Variants in ERC2 observed in about 807,000 individuals in gnomAD.
ERC2 encodes ERC protein 2.
ERC2 carries 42 observed loss-of-function variants against 114.8 expected under a neutral mutation model. The ratio of observed to expected loss-of-function variants is 0.37; its 90% CI spans 0.29 to 0.47. ERC2 has a LOEUF of 0.47. Ranked by LOEUF, ERC2 falls within the 20% of genes least tolerant of loss-of-function variation. The pLI is 0.99. For synonymous variants in ERC2, 454 were observed against 425.5 expected (o/e 1.07, Z -0.82); for missense variants, 939 against 1,150.7 (o/e 0.82, Z 2.66).
chr3:55,846,975 GC>G (rs2061397133), intron 14 of ERC2, among the ~76,000 whole-genome samples: 1 of 152,114 alleles, frequency 6.6e-6, no homozygotes, highest in South Asian at 2.1e-4. Context: ...GTCTTCTTAG[GC>G]CTGACCTGGA....
At chr3:55,980,499 T>G (rs2070029925) in intron 12 of ERC2, among the ~76,000 whole-genome samples, 3 of 152,202 alleles carry the variant, frequency 2.0e-5, no homozygotes, top group Admixed American at 2.0e-4. Context: ...GCTAGTATTG[T>G]GCATAATGAA....
In ERC2 at chr3:55,952,303, A is replaced by G. The variant is rs552882736; in HGVS notation, c.2268-1743T>C. 2.6e-5 allele frequency among the ~76,000 whole-genome samples: 4 copies of G among 151,612 alleles called. No homozygotes were observed. The South Asian group carries it at 8.4e-4, about 32-fold the overall frequency. ...TTGGTAGCACTTATTAAGAGGACATAAAGTATGATATAATAACCATCTCCT... is the reference window on the plus strand; with the variant it reads ...TTGGTAGCACTTATTAAGAGGACATGAAGTATGATATAATAACCATCTCCT... On this transcript the variant is annotated intron_variant, in intron 12 of 17. Coordinates refer to ENST00000288221, the MANE Select transcript of ERC2 (RefSeq NM_015576.3).
chr3:56,158,349 C>T (rs1044175254), intron 4 of ERC2, among the ~76,000 whole-genome samples: 1 of 152,108 alleles, frequency 6.6e-6, no homozygotes, highest in Non-Finnish European at 1.5e-5. Context: ...TTCAAAGACA[C>T]TTTTAAAGTC....
chr3:55,905,984 T>G (rs999347620), intron 13 of ERC2, among the ~76,000 whole-genome samples: 6 of 152,156 alleles, frequency 3.9e-5, no homozygotes, highest in Non-Finnish European at 8.8e-5. Context: ...TTTAAATGAC[T>G]TTACTTAAGA....
At chr3:55,986,113 G>A in intron 11 of ERC2, 125 bp from the exon 12 acceptor site, 3 of 934,320 alleles carry the variant, frequency 3.2e-6, no homozygotes, top group Non-Finnish European at 3.3e-6. Flanking sequence ...TGTTATATCA[G>A]CAGGTTTATA....
At chr3:55,957,953 C>T (rs1361901111) in intron 12 of ERC2, among the ~76,000 whole-genome samples, 1 of 152,210 alleles carries the variant, frequency 6.6e-6, no homozygotes, top group East Asian at 1.9e-4. Flanking sequence ...TTCTCACCGC[C>T]CACTATATGG....
chr3:56,155,896 A>C (rs952032670), intron 4 of ERC2, among the ~76,000 whole-genome samples: 4 of 152,194 alleles, frequency 2.6e-5, no homozygotes, highest in African/African-American at 4.8e-5. Context: ...TGTTCAAATA[A>C]TATAGATCAT....
At chr3:55,928,382 A>G (rs143890772) in intron 13 of ERC2, among the ~76,000 whole-genome samples, 1 of 152,258 alleles carries the variant, frequency 6.6e-6, no homozygotes, top group African/African-American at 2.4e-5. Context: ...TACTTTTTTC[A>G]TATACCTGTT....
intron 14 of ERC2, among the ~76,000 whole-genome samples, chr3:55,858,683 C>G (rs887841276): frequency 1.3e-5 from 2 of 152,204 alleles, no homozygotes; most frequent in African/African-American, 4.8e-5. Context: ...CAAAAATACT[C>G]TGCAACACAC....
intron 6 of ERC2, among the ~76,000 whole-genome samples, chr3:56,091,503 A>G (rs1471282896): frequency 2.0e-5 from 3 of 152,178 alleles, no homozygotes; most frequent in East Asian, 3.9e-4. Context: ...GAAGCTCCCA[A>G]CACAACAGAA....
chr3:56,114,102 A>G (rs1322402503), intron 6 of ERC2, among the ~76,000 whole-genome samples: 2 of 152,314 alleles, frequency 1.3e-5, no homozygotes, highest in South Asian at 2.1e-4. Context: ...CTAAGTATAC[A>G]TATTTAACAG....
chr3:55,796,438 T>G (rs2070496927), intron 14 of ERC2, among the ~76,000 whole-genome samples: 1 of 152,166 alleles, frequency 6.6e-6, no homozygotes, highest in African/African-American at 2.4e-5. Flanking sequence ...TTTTTCTTTC[T>G]TTTTTTAGAT....
At chr3:55,651,813 A>T (rs1449113164) in intron 17 of ERC2, among the ~76,000 whole-genome samples, 1 of 152,230 alleles carries the variant, frequency 6.6e-6, no homozygotes, top group Non-Finnish European at 1.5e-5. Flanking sequence ...ATTCTGCCAC[A>T]CACAGGCTTA....
intron 14 of ERC2, among the ~76,000 whole-genome samples, chr3:55,838,831 C>T (rs1047606998): frequency 7.9e-5 from 12 of 151,928 alleles, no homozygotes; most frequent in African/African-American, 2.9e-4. Context: ...ATAAATCTGA[C>T]ATTGATGAAA....
At chr3:55,962,631 A>G (rs1173444979) in intron 12 of ERC2, among the ~76,000 whole-genome samples, 2 of 152,230 alleles carry the variant, frequency 1.3e-5, no homozygotes, top group Admixed American at 1.3e-4. Context: ...TAGGCACTTT[A>G]CATATATTAA....
intron 14 of ERC2, among the ~76,000 whole-genome samples, chr3:55,821,942 T>C (rs373186923): frequency 3.9e-5 from 6 of 152,368 alleles, no homozygotes; most frequent in African/African-American, 1.4e-4. Context: ...CATTCAGGTG[T>C]GTTCATGCTA....
At chr3:55,595,055 TTC>T (rs2058067208) in intron 17 of ERC2, among the ~76,000 whole-genome samples, 1 of 152,180 alleles carries the variant, frequency 6.6e-6, no homozygotes, top group Non-Finnish European at 1.5e-5. Flanking sequence ...TTCATATATA[TTC>T]TCTCTCTTCA....
At position 56,139,640 on chromosome 3, in the gene ERC2, A is replaced by T; in HGVS notation, c.1342T>A (p.Ser448Thr). The change falls in exon 6 of 18, where the codon TCG becomes ACG. Residue 448 changes from serine to threonine, a missense_variant. By Grantham distance (58) the Ser-to-Thr change is moderately conservative. Around this residue, in one of 5 missense-constraint regions of ERC2, gnomAD observed 149 missense variants for 254.6 expected, o/e 0.59. Transcript: ENST00000288221. ...QLKQELSKKE[S>T]ELLALQTKLE... Reference sequence around the variant, plus strand: ...TTTGTTTGTAAGGCAAGAAGTTCCGACTCTTTCTTTGAAAGTTCCTGCTTC... The same window carrying T: ...TTTGTTTGTAAGGCAAGAAGTTCCGTCTCTTTCTTTGAAAGTTCCTGCTTC... The T allele has an allele frequency of 1.2e-6, 2 of 1,609,552 alleles. No homozygotes were observed. Among genetic ancestry groups the T allele is most frequent in the Non-Finnish European group, 8.5e-7 (1 of 1,177,828 alleles).
chr3:56,384,339 A>G, intron 2 of ERC2, among the ~76,000 whole-genome samples: 1 of 152,046 alleles, frequency 6.6e-6, no homozygotes. Flanking sequence ...AAAAGTTTCC[A>G]TTTCTCTATT....
Sources: allele counts gnomAD v4.1 joint callset (sites outside exome capture counted in the v4.1 genomes callset), GRCh38; gene constraint gnomAD v4.1.1; regional missense constraint gnomAD v4.1.1; transcripts MANE v1.5; gene names NCBI Gene and HGNC (gene_info 2026-07-23, HGNC 2026-07-21).